CFAP54: variants seen among roughly 807,000 people sequenced by gnomAD.
CFAP54 encodes the protein cilia- and flagella-associated protein 54.
CFAP54 carries 290 observed loss-of-function variants against 370.4 expected under a neutral mutation model. That is an observed-to-expected ratio of 0.78 (90% CI 0.71 to 0.86). CFAP54 has a LOEUF of 0.86. CFAP54 is among the 40% of genes least tolerant of loss of function. CFAP54 has a pLI of 0.00. For missense variants in CFAP54, 3,399 were observed against 3,528.7 expected (o/e 0.96, Z 0.93); for synonymous variants, 1,206 against 1,236.5 (o/e 0.98, Z 0.52).
intron 26 of CFAP54, among the ~76,000 whole-genome samples, chr12:96,619,750 G>C (rs1201169528): frequency 1.3e-5 from 2 of 152,210 alleles, no homozygotes; most frequent in Non-Finnish European, 1.5e-5. Context: ...AAATTAAGTA[G>C]AGTGGAGAGC....
chr12:96,551,924 A>C (rs1445010796), intron 15 of CFAP54, among the ~76,000 whole-genome samples: 2 of 152,226 alleles, frequency 1.3e-5, no homozygotes, highest in African/African-American at 4.8e-5. Context: ...AAAAGAAAGC[A>C]GAGAAAAGGT....
intron 66 of CFAP54, among the ~76,000 whole-genome samples, chr12:96,841,115 G>A (rs7137573): frequency 0.094 from 14,256 of 152,190 alleles, 1,912 homozygotes; most frequent in African/African-American, 0.3. Flanking sequence ...TGCAATTTGG[G>A]GGTATAATAC....
intron 65 of CFAP54, among the ~76,000 whole-genome samples, chr12:96,821,214 G>T (rs1959029522): frequency 6.6e-6 from 1 of 152,076 alleles, no homozygotes; most frequent in African/African-American, 2.4e-5. Context: ...GGCAGATGTA[G>T]GTATCAAATT....
chr12:96,628,555 G>T (rs1431100895), intron 30 of CFAP54, among the ~76,000 whole-genome samples: 1 of 152,180 alleles, frequency 6.6e-6, no homozygotes, highest in Non-Finnish European at 1.5e-5. Flanking sequence ...ATGGAAGGCA[G>T]TCTTAGGCTG....
At chr12:96,713,960 A>G (rs1957644118) in intron 48 of CFAP54, among the ~76,000 whole-genome samples, 1 of 152,184 alleles carries the variant, frequency 6.6e-6, no homozygotes, top group Admixed American at 6.5e-5. Flanking sequence ...TGAAAGTCAT[A>G]ATAAAATATT....
rs1426225295 is a variant in CFAP54, at chr12:96,512,995, A to C, written c.749A>C (p.Tyr250Ser). The change falls in exon 5 of 68, where the codon TAT becomes TCT. Residue 250 changes from tyrosine (Y) to serine (S), a missense_variant. Tyr to Ser is a moderately radical substitution (Grantham distance 144). Transcript: ENST00000524981. ...CGTTTTCTCCATCCAGGTACCATTT[A>C]TATTTACACCATTTGCAGAAAACTG... Reference protein sequence around the residue: ...LCWIIFNGTIYIYTICRKLMV... With the variant: ...LCWIIFNGTISIYTICRKLMV... 9 of 1,516,800 alleles carry C rather than the reference A, an allele frequency of 5.9e-6. No individual in the cohort carries two copies. The South Asian group carries it at 1.1e-4, about 19-fold the overall frequency. The allele number at this position is 1,516,800 out of a possible 1,614,324, so 94.0% of individuals were successfully genotyped here.
chr12:96,833,785 C>T (rs994013268), intron 66 of CFAP54, among the ~76,000 whole-genome samples: 7 of 152,050 alleles, frequency 4.6e-5, no homozygotes, highest in African/African-American at 1.7e-4. Flanking sequence ...CATGAAAATG[C>T]AAATATTTCT....
intron 67 of CFAP54, among the ~76,000 whole-genome samples, chr12:96,868,771 G>A (rs74699338): frequency 0.011 from 1,730 of 152,026 alleles, 28 homozygotes; most frequent in African/African-American, 0.039. Flanking sequence ...TTTTTTTAAC[G>A]TGCCATTCAT....
At position 96,743,572 on chromosome 12, in the gene CFAP54, CTT is replaced by C. The variant is rs1472901849; in HGVS notation, c.7377+15_7377+16del. Reference sequence around the variant, plus strand: ...GACAAACCTTCAGGTAGAAAGGAAACTTTGTTCGTATTTATAGTCAGGGAGGG... The same window carrying C: ...GACAAACCTTCAGGTAGAAAGGAAACTGTTCGTATTTATAGTCAGGGAGGG... On this transcript the variant is annotated intron_variant, in intron 53 of 67. Coordinates refer to ENST00000524981, the MANE Select transcript of CFAP54 (RefSeq NM_001306084.2). 1 of 1,613,594 alleles carries C rather than the reference CTT, an allele frequency of 6.2e-7. No homozygotes were observed.
At chr12:96,624,833 G>A (rs1419126667) in intron 28 of CFAP54, among the ~76,000 whole-genome samples, 1 of 152,094 alleles carries the variant, frequency 6.6e-6, no homozygotes. Flanking sequence ...TTCAAGCATG[G>A]ATTTATGAAT....
Position 96,663,912 on chromosome 12 carries a change from T to G in CFAP54, c.5543T>G (p.Leu1848Arg). The change falls in exon 39 of 68, where the codon CTA becomes CGA. Residue 1848 changes from leucine to arginine, a missense_variant. Around this residue, in one of 3 missense-constraint regions of CFAP54, gnomAD observed 2,796 missense variants for 2,869.7 expected, o/e 0.97. Transcript: ENST00000524981. ...GCAACAAGCAACTGCACAGATTTGCTAAAAATGCTTATCTCTTCAGGTCAG... is the reference window on the plus strand; with the variant it reads ...GCAACAAGCAACTGCACAGATTTGCGAAAAATGCTTATCTCTTCAGGTCAG... Reference protein sequence around the residue: ...IEATSNCTDLLKMLISSEYSR... With the variant: ...IEATSNCTDLRKMLISSEYSR... 1 of 1,612,330 alleles carries G rather than the reference T, an allele frequency of 6.2e-7. No homozygotes were observed. Among genetic ancestry groups the G allele is most frequent in the Non-Finnish European group, 8.5e-7 (1 of 1,178,822 alleles).
At chr12:96,797,056 T>C (rs1958770933) in intron 63 of CFAP54, among the ~76,000 whole-genome samples, 1 of 152,164 alleles carries the variant, frequency 6.6e-6, no homozygotes. Flanking sequence ...AAAAATAGTT[T>C]TGTAAAATTT....
intron 19 of CFAP54, chr12:96,572,759 C>T: frequency 5.2e-6 from 3 of 579,102 alleles, no homozygotes; most frequent in Non-Finnish European, 6.5e-6. Context: ...GTTCAAGCTC[C>T]ACTCCTGGAG....
chr12:96,790,869 C>T (rs1485169517), intron 62 of CFAP54, among the ~76,000 whole-genome samples: 1 of 152,154 alleles, frequency 6.6e-6, no homozygotes, highest in African/African-American at 2.4e-5. Flanking sequence ...TCAGTCAAAA[C>T]ATTTTTTCTT....
At chr12:96,738,136 A>G (rs1453578512) in intron 50 of CFAP54, among the ~76,000 whole-genome samples, 1 of 152,098 alleles carries the variant, frequency 6.6e-6, no homozygotes, top group Non-Finnish European at 1.5e-5. Flanking sequence ...GCAGTGGAGG[A>G]GATGAGGAGC....
rs144328099 is a variant in CFAP54, at chr12:96,728,639, G to A, written c.6965+8074G>A. ...TGGTTTGAAATTCCTCCTGTAGCTC[G>A]GAGTAGTTTGATCATCTGAAGCCTT... On this transcript the variant is annotated intron_variant, in intron 50 of 67. Transcript: ENST00000524981. Among the ~76,000 whole-genome samples, 575 of 152,216 alleles carry A rather than the reference G, an allele frequency of 3.8e-3. 4 individuals are homozygous for A. The highest frequency in any genetic ancestry group is 0.012 in the African/African-American group (507 of 41,526).
chr12:96,795,399 G>C (rs1014542447), intron 63 of CFAP54, among the ~76,000 whole-genome samples: 1 of 152,172 alleles, frequency 6.6e-6, no homozygotes, highest in South Asian at 2.1e-4. Flanking sequence ...AAAACAATTA[G>C]GTGGGTGCAG....
chr12:96,601,146 A>G (rs1012484948), intron 26 of CFAP54, among the ~76,000 whole-genome samples: 1 of 152,104 alleles, frequency 6.6e-6, no homozygotes, highest in Non-Finnish European at 1.5e-5. Flanking sequence ...TATCTAGTTT[A>G]TTGAGAGTTT....
At chr12:96,563,115 T>A (rs1056923673) in intron 17 of CFAP54, among the ~76,000 whole-genome samples, 2 of 152,198 alleles carry the variant, frequency 1.3e-5, no homozygotes, top group South Asian at 2.1e-4. Context: ...AGTTTTTTTT[T>A]AAACTCATGG....
Sources: gnomAD v4.1 joint callset for allele counts (sites outside exome capture counted in the v4.1 genomes callset) on GRCh38, gnomAD v4.1.1 for gene constraint, gnomAD v4.1.1 regional missense constraint, MANE v1.5 for transcripts, NCBI Gene and HGNC (gene_info 2026-07-23, HGNC 2026-07-21) for gene names.